The following ADGRL1 variants were observed in gnomAD, a reference collection of about 807,000 sequenced individuals.
The protein encoded by ADGRL1 is CIRL-1.
Under a neutral mutation model 148.9 loss-of-function variants are expected in ADGRL1, and 31 were observed. The ratio of observed to expected loss-of-function variants is 0.21; its 90% CI spans 0.16 to 0.28. ADGRL1 has a LOEUF of 0.28. Ranked by LOEUF, ADGRL1 falls within the 10% of genes least tolerant of loss-of-function variation. The pLI, the probability that ADGRL1 is intolerant of heterozygous loss-of-function variation, is 1.00. For missense variants in ADGRL1, 1,521 were observed against 2,058.8 expected, an observed-to-expected ratio of 0.74 and a Z score of 5.05; for synonymous variants, 937 against 900.3, an observed-to-expected ratio of 1.04 and a Z score of -0.73.
intron 1 of ADGRL1, among the ~76,000 whole-genome samples, chr19:14,184,646 A>ATTTATTTTTTT (rs1555790748): frequency 7.2e-5 from 7 of 97,732 alleles, no homozygotes; most frequent in Non-Finnish European, 1.0e-4. Context: ...TTATTTATTT[A>ATTTATTTTTTT]TTTTTTTTTC....
intron 3 of ADGRL1, 87 bp from the exon 4 acceptor site, chr19:14,170,878 T>A (rs1325696709): frequency 1.3e-5 from 9 of 699,710 alleles, no homozygotes; most frequent in African/African-American, 1.1e-4. Flanking sequence ...CATGGTGTCA[T>A]AGACACCCCC....
At position 14,185,774 on chromosome 19, in the gene ADGRL1, T is replaced by C. The variant is rs539040900; in HGVS notation, c.-95-2077A>G. Among the ~76,000 whole-genome samples, 6 of 152,310 alleles carry C rather than the reference T, an allele frequency of 3.9e-5. No homozygotes were observed. The East Asian group carries it at 7.7e-4, about 20-fold the overall frequency. On this transcript the variant is annotated intron_variant, in intron 1 of 22. Coordinates refer to ENST00000361434, the MANE Select transcript of ADGRL1 (RefSeq NM_014921.5). Reference sequence around the variant, plus strand: ...CTCTCATCAGAGCCCCCACTACCATTTCCCTGCTGAAAACCAAAACCCTTG... The same window carrying C: ...CTCTCATCAGAGCCCCCACTACCATCTCCCTGCTGAAAACCAAAACCCTTG...
Position 14,159,629 on chromosome 19 carries a change from C to G in ADGRL1, c.1840-45G>C. On this transcript the variant is annotated intron_variant, in intron 9 of 22. Transcript: ENST00000361434. The surrounding 1 kb of genome is among the most constrained non-coding windows in gnomAD (Gnocchi z 6.0). ...GGTGCTGTGAGCCCCCCAACACCCT[C>G]TAATTCCTGGGGGTGGGCTCTGCAT... 1.9e-6 allele frequency: 3 copies of G among 1,594,452 alleles called. No individual in the cohort carries two copies. The highest frequency in any genetic ancestry group is 2.6e-6 in the Non-Finnish European group (3 of 1,165,560).
chr19:14,200,814 C>T (rs1352559473), intron 1 of ADGRL1, among the ~76,000 whole-genome samples: 2 of 152,062 alleles, frequency 1.3e-5, no homozygotes, highest in South Asian at 2.1e-4. Context: ...AAGGGGGTCT[C>T]GCTTTGTCGC....
At chr19:14,182,911 T>C (rs1971298812) in intron 2 of ADGRL1, among the ~76,000 whole-genome samples, 1 of 151,926 alleles carries the variant, frequency 6.6e-6, no homozygotes, top group Non-Finnish European at 1.5e-5. Context: ...GATGTCGGGG[T>C]GGGCAGGGGG....
rs1967955432 is a variant in ADGRL1 at position 14,149,651 on chromosome 19, CTGA to C, written c.*1219_*1221del. ...GTGAGAGGTACACGCCCCAGAAGGG[CTGA>C]TGATGCCGGGCAGGCGGAGCAGGAA... On this transcript the variant is annotated 3_prime_UTR_variant, in exon 23 of 23. Transcript: ENST00000361434. 1 of 152,552 alleles carries C rather than the reference CTGA, an allele frequency of 6.6e-6. No homozygotes were observed. The highest frequency in any genetic ancestry group is 2.4e-5 in the African/African-American group (1 of 41,328). The allele number at this position is 152,552 out of a possible 1,614,324, so 9.4% of individuals were successfully genotyped here. A position where few individuals can be genotyped will look rare whatever the true frequency, so the allele number is the denominator to read the frequency against.
chr19:14,161,279 C>T lies in ADGRL1; in HGVS notation c.1510+33G>A, dbSNP rs1969341908. 4.0e-6 allele frequency: 6 copies of T among 1,515,692 alleles called. No individual in the cohort carries two copies. The East Asian group carries it at 1.4e-4, about 36-fold the overall frequency. 93.9% of individuals were successfully genotyped at this position (1,515,692 alleles called of 1,614,324 possible). On this transcript the variant is annotated intron_variant, in intron 6 of 22. Coordinates refer to ENST00000361434, the MANE Select transcript of ADGRL1 (RefSeq NM_014921.5). The surrounding 1 kb of genome is among the most constrained non-coding windows in gnomAD (Gnocchi z 4.4). ...GCTAAGCTGCTGGGGGCATGGCCCCCATCCCTCCCCTGGCTGCAGCCTCTG... is the reference window on the plus strand; with the variant it reads ...GCTAAGCTGCTGGGGGCATGGCCCCTATCCCTCCCCTGGCTGCAGCCTCTG...
chr19:14,150,969 C>A lies in ADGRL1; in HGVS notation c.4314G>T (p.Val1438=). The A allele has an allele frequency of 6.2e-7, 1 of 1,603,164 alleles. No individual in the cohort carries two copies. The highest frequency in any genetic ancestry group is 8.5e-7 in the Non-Finnish European group (1 of 1,175,770). The part of the protein sequence containing the change: ...ARNPLQGYYQ[V]RRPSHEGYLA... The stretch of plus-strand genomic sequence containing the variant: ...GGTAGCCCTCGTGGCTAGGACGCCG[C>A]ACCTGGTAGTAGCCCTGCAGGGGAT... Residue 1438 remains valine (V), a synonymous_variant, in exon 23 of 23, where the codon GTG becomes GTT. Transcript: ENST00000361434.
chr19:14,170,735 G>A lies in ADGRL1; in HGVS notation c.341C>T (p.Pro114Leu). ...VVAGSDAFPD[P>L]CPGTYKYLEV... ...CAGGTACTTGTAGGTCCCAGGACAG[G>A]GGTCAGGAAAGGCATCCGAGCCGGC... Residue 114 changes from proline to leucine, a missense_variant, in exon 4 of 23, where the codon CCC (proline) becomes CTC (leucine). Transcript: ENST00000361434. The A allele has an allele frequency of 6.2e-7, 1 of 1,613,586 alleles. No individual in the cohort carries two copies. Among genetic ancestry groups the A allele is most frequent in the Non-Finnish European group, 8.5e-7 (1 of 1,179,682 alleles).
Position 14,156,743 on chromosome 19 carries a change from C to T in ADGRL1, c.2967-19G>A, listed in dbSNP as rs375909095. On this transcript the variant is annotated intron_variant, in intron 15 of 22. Coordinates refer to ENST00000361434, the MANE Select transcript of ADGRL1 (RefSeq NM_014921.5). Reference sequence around the variant, plus strand: ...CCAGCAGCTGTAAAGGAAACAGGGCCGGGGTATAGAGAGAAGCCGAGGAGC... The same window carrying T: ...CCAGCAGCTGTAAAGGAAACAGGGCTGGGGTATAGAGAGAAGCCGAGGAGC... The T allele has an allele frequency of 6.2e-6, 10 of 1,602,820 alleles. No homozygotes were observed. The African/African-American group carries it at 8.1e-5, about 13-fold the overall frequency.
In ADGRL1 at chr19:14,160,066, G is replaced by A. The variant is rs1298144918; in HGVS notation, c.1800+46C>T. 3 of 1,529,958 alleles carry A rather than the reference G, an allele frequency of 2.0e-6. No homozygotes were observed. The highest frequency in any genetic ancestry group is 2.6e-6 in the Non-Finnish European group (3 of 1,134,628). The allele number at this position is 1,529,958 out of a possible 1,614,324, so 94.8% of individuals were successfully genotyped here. On this transcript the variant is annotated intron_variant, in intron 8 of 22. Coordinates refer to ENST00000361434, the MANE Select transcript of ADGRL1 (RefSeq NM_014921.5). This position sits in a 1 kb window ranked among gnomAD's most constrained non-coding sequence, Gnocchi z 5.9. ...TCAGGTACTTCCCAAGCCCCTGGGG[G>A]CAGGCGCCCTCCCCATACCAGGTCA...
In ADGRL1 at chr19:14,180,310, G is replaced by T. The variant is rs1261488200; in HGVS notation, c.71-2566C>A. Among the ~76,000 whole-genome samples, 3 of 152,028 alleles carry T rather than the reference G, an allele frequency of 2.0e-5. No homozygotes were observed. In the East Asian group the frequency reaches 5.8e-4, roughly 29 times the overall value. The stretch of plus-strand genomic sequence containing the variant: ...TCGCTCTGTCACCCAGGCTGGAGTG[G>T]AATGGCGCGATCTCAGCTCACTGCA... On this transcript the variant is annotated intron_variant, in intron 2 of 22. Transcript: ENST00000361434.
At chr19:14,166,871 A>C in intron 4 of ADGRL1, 1 of 817,094 alleles carries the variant, frequency 1.2e-6, no homozygotes. Flanking sequence ...TCCCACTGGG[A>C]GGACAACCCA....
At chr19:14,189,231 T>TC (rs1396415113) in intron 1 of ADGRL1, among the ~76,000 whole-genome samples, 1 of 149,902 alleles carries the variant, frequency 6.7e-6, no homozygotes, top group African/African-American at 2.5e-5. Flanking sequence ...TTTTTTTTTT[T>TC]CCCAGTTAGA....
chr19:14,157,521 G>C lies in ADGRL1; in HGVS notation c.2536-61C>G. The C allele has an allele frequency of 1.9e-6, 3 of 1,540,298 alleles. No homozygotes were observed. Among genetic ancestry groups the C allele is most frequent in the Admixed American group, 3.4e-5 (2 of 59,104 alleles). Reference sequence around the variant, plus strand: ...TGGTTTTGCACGCTGGGCTCAGCCAGGTGCCAGCCACAGACAGGGCCCTGG... The same window carrying C: ...TGGTTTTGCACGCTGGGCTCAGCCACGTGCCAGCCACAGACAGGGCCCTGG... On this transcript the variant is annotated intron_variant, in intron 13 of 22. Transcript: ENST00000361434. This position sits in a 1 kb window ranked among gnomAD's most constrained non-coding sequence, Gnocchi z 7.5.
intron 1 of ADGRL1, among the ~76,000 whole-genome samples, chr19:14,196,137 CT>C (rs779050420): frequency 2.0e-5 from 3 of 152,250 alleles, no homozygotes; most frequent in Non-Finnish European, 4.4e-5. Flanking sequence ...TCTGCCACCC[CT>C]GTCCCATCCA....
At chr19:14,185,369 C>T (rs1747827146) in intron 1 of ADGRL1, among the ~76,000 whole-genome samples, 1 of 152,178 alleles carries the variant, frequency 6.6e-6, no homozygotes, top group African/African-American at 2.4e-5. Flanking sequence ...TGACGGCTCA[C>T]TGCAACCTCC....
At chr19:14,181,323 C>A (rs1032394116) in intron 2 of ADGRL1, among the ~76,000 whole-genome samples, 13 of 152,248 alleles carry the variant, frequency 8.5e-5, no homozygotes, top group Admixed American at 2.0e-4. Context: ...GTTCAGAATG[C>A]AGATTCGGGC....
In ADGRL1 at chr19:14,151,345, C is replaced by G. The variant is rs1315922789; in HGVS notation, c.3938G>C (p.Gly1313Ala). The G allele has an allele frequency of 6.3e-7, 1 of 1,598,898 alleles. No homozygotes were observed. The highest frequency in any genetic ancestry group is 8.5e-7 in the Non-Finnish European group (1 of 1,173,634). ...PPVPPVPGGG[G>A]EEEAGGPGGA... ...CCCGGGCCCGCCCGCCTCTTCCTCG[C>G]CCCCGCCCCCTGGCACAGGTGGCAC... The change falls in exon 23 of 23, where the codon GGC (glycine) becomes GCC (alanine). Residue 1313 changes from glycine to alanine, a missense_variant. Coordinates refer to ENST00000361434, the MANE Select transcript of ADGRL1 (RefSeq NM_014921.5).
Sources: allele counts gnomAD v4.1 joint callset (sites outside exome capture counted in the v4.1 genomes callset), GRCh38; gene constraint gnomAD v4.1.1; non-coding constraint Gnocchi (gnomAD v3.1); transcripts MANE v1.5; gene names NCBI Gene and HGNC (gene_info 2026-07-23, HGNC 2026-07-21).